Variants in UTP6 observed in about 807,000 individuals in gnomAD.
The protein encoded by UTP6 is UTP6 small subunit processome component.
UTP6 carries 60 observed loss-of-function variants against 96.5 expected under a neutral mutation model. That is an observed-to-expected ratio of 0.62 (90% confidence interval 0.51 to 0.77). UTP6 has a LOEUF of 0.77. Ranked by LOEUF, UTP6 falls within the 30% of genes least tolerant of loss-of-function variation. The probability of loss-of-function intolerance (pLI) is 0.00; values close to 1 mark genes in which losing one functional copy is unlikely to be tolerated. For synonymous variants in UTP6, 215 were observed against 240.1 expected (o/e 0.90, Z 0.96); for missense variants, 637 against 706.5 (o/e 0.90, Z 1.12).
At chr17:31,898,839 G>A (rs761960754) in intron 2 of UTP6, among the ~76,000 whole-genome samples, 6 of 152,112 alleles carry the variant, frequency 3.9e-5, no homozygotes, top group Non-Finnish European at 7.3e-5. Context: ...CCAGGAGTTC[G>A]AGACCAGCCT....
chr17:31,873,449 G>A lies in UTP6; in HGVS notation c.1425C>T (p.Thr475=), dbSNP rs1910304946. The change falls in exon 16 of 19, where the codon ACC becomes ACT. Residue 475 remains threonine (T), a synonymous_variant. Coordinates refer to ENST00000261708, the MANE Select transcript of UTP6 (RefSeq NM_018428.3). The stretch of plus-strand genomic sequence containing the variant: ...CCCAATCCAGGTACTTATTCTTCAG[G>A]GTTACTGAGTCGGCACCTATGACAG... ...LLAVIGADSV[T]LKNKYLDWAY... 3 of 1,613,886 alleles carry A rather than the reference G, an allele frequency of 1.9e-6. No homozygotes were observed. Among genetic ancestry groups the A allele is most frequent in the African/African-American group, 2.7e-5 (2 of 74,848 alleles).
Position 31,887,451 on chromosome 17 carries a change from G to GAC in UTP6, c.544-139_544-138insGT. 1.2e-5 allele frequency: 8 copies of GAC among 644,026 alleles called. No individual in the cohort carries two copies. The South Asian group carries it at 1.5e-4, about 12-fold the overall frequency. 39.9% of individuals were successfully genotyped at this position (644,026 alleles called of 1,614,324 possible). A position where few individuals can be genotyped will look rare whatever the true frequency, so the allele number is the denominator to read the frequency against. On this transcript the variant is annotated intron_variant, in intron 7 of 18. Coordinates refer to ENST00000261708, the MANE Select transcript of UTP6 (RefSeq NM_018428.3). Reference sequence around the variant, plus strand: ...CGGCCATGAATTCCTGCACTCAAGTGATCCCCTTGCCTCAGCTTCCTGAGT... The same window carrying GAC: ...CGGCCATGAATTCCTGCACTCAAGTGACATCCCCTTGCCTCAGCTTCCTGAGT...
chr17:31,893,462 T>C (rs1199821316), intron 4 of UTP6, among the ~76,000 whole-genome samples: 4 of 137,156 alleles, frequency 2.9e-5, no homozygotes, highest in Non-Finnish European at 6.1e-5. Flanking sequence ...CCAGGCACAA[T>C]GGCTCAGGCC....
intron 5 of UTP6, 67 bp downstream of exon 5, chr17:31,892,680 T>C (rs1904390434): frequency 3.1e-6 from 5 of 1,598,768 alleles, no homozygotes; most frequent in South Asian, 2.2e-5. Flanking sequence ...ACATCTGGCA[T>C]GAAGCTTAAA....
chr17:31,880,425 T>TAAAAA, intron 11 of UTP6, 148 bp downstream of exon 11: 6 of 662,924 alleles, frequency 9.1e-6, no homozygotes, highest in Non-Finnish European at 1.3e-5. Flanking sequence ...TGCCTCCCAA[T>TAAAAA]AAAAAAAAAA....
intron 2 of UTP6, among the ~76,000 whole-genome samples, chr17:31,896,377 C>A (rs1050372637): frequency 7.9e-5 from 12 of 152,030 alleles, no homozygotes; most frequent in Admixed American, 6.6e-5. Flanking sequence ...CGCGCTCGGC[C>A]CCTACACCTT....
chr17:31,894,878 TC>T, intron 3 of UTP6, 91 bp downstream of exon 3: 1 of 1,314,878 alleles, frequency 7.6e-7, no homozygotes, highest in Non-Finnish European at 1.1e-6. Context: ...CACAGTTTTA[TC>T]AACACTGTCT....
Position 31,901,543 on chromosome 17 carries a change from C to T in UTP6, c.85G>A (p.Glu29Lys). Residue 29 changes from glutamate to lysine, a missense_variant, in exon 1 of 19, where the codon GAG (glutamate) becomes AAG (lysine). Physicochemically the swap from Glu to Lys is moderately conservative, Grantham distance 56 (BLOSUM62 1). Coordinates refer to ENST00000261708, the MANE Select transcript of UTP6 (RefSeq NM_018428.3). The part of the protein sequence containing the change: ...LERIGLFSHA[E>K]IKAIIKKASD... ...TCCCCAACCCTCTCTCACTTAATCT[C>T]CGCATGACTGAACAGTCCAATGCGC... 2 of 1,614,058 alleles carry T rather than the reference C, an allele frequency of 1.2e-6. No homozygotes were observed. Among genetic ancestry groups the T allele is most frequent in the Non-Finnish European group, 1.7e-6 (2 of 1,180,026 alleles).
chr17:31,872,696 A>G (rs1198981457), intron 16 of UTP6, among the ~76,000 whole-genome samples: 1 of 152,086 alleles, frequency 6.6e-6, no homozygotes, highest in East Asian at 1.9e-4. Context: ...AGGAAACATT[A>G]CTTTTTGAAA....
rs757282393 is a variant in UTP6 at position 31,875,186 on chromosome 17, T to C, written c.1305+48A>G. ...ATTCCAAATGAGCCTTGGCTAGTCT[T>C]AAAAGGTTTCCCAAATATAATGAAT... On this transcript the variant is annotated intron_variant, in intron 14 of 18. Coordinates refer to ENST00000261708, the MANE Select transcript of UTP6 (RefSeq NM_018428.3). The C allele has an allele frequency of 5.0e-6, 8 of 1,605,788 alleles. No individual in the cohort carries two copies. The South Asian group carries it at 6.7e-5, about 13-fold the overall frequency.
rs767875542 is a variant in UTP6, at chr17:31,884,409, A to G, written c.785+15T>C. ...CAGAAATAGATATATTCACCTTTCTACTAACTTTACTTACTCATCATAAAT... is the reference window on the plus strand; with the variant it reads ...CAGAAATAGATATATTCACCTTTCTGCTAACTTTACTTACTCATCATAAAT... On this transcript the variant is annotated intron_variant, in intron 10 of 18. Transcript: ENST00000261708. The G allele has an allele frequency of 1.9e-6, 3 of 1,590,002 alleles. No homozygotes were observed. The highest frequency in any genetic ancestry group is 2.6e-6 in the Non-Finnish European group (3 of 1,164,170).
chr17:31,873,495 T>G lies in UTP6; in HGVS notation c.1387-8A>C. The G allele has an allele frequency of 6.2e-7, 1 of 1,608,230 alleles. No homozygotes were observed. The highest frequency in any genetic ancestry group is 8.5e-7 in the Non-Finnish European group (1 of 1,178,680). On this transcript the variant is annotated splice_region_variant and splice_polypyrimidine_tract_variant and intron_variant, in intron 15 of 18. Coordinates refer to ENST00000261708, the MANE Select transcript of UTP6 (RefSeq NM_018428.3). ...GACAGCTAAGAGAGCTTTCTACAAT[T>G]TAAAAGAAAAAAGAAAGAAGCTATG...
intron 10 of UTP6, among the ~76,000 whole-genome samples, chr17:31,881,938 C>A (rs1910866729): frequency 6.6e-6 from 1 of 152,070 alleles, no homozygotes; most frequent in African/African-American, 2.4e-5. Flanking sequence ...AAGCAATAGT[C>A]CATCCCAAAG....
chr17:31,878,435 T>C (rs888839639), intron 12 of UTP6, 108 bp from the exon 13 acceptor site: 5 of 1,116,688 alleles, frequency 4.5e-6, no homozygotes, highest in Non-Finnish European at 6.6e-6. Context: ...TCAAAGAAGC[T>C]GACTTGCTCC....
At chr17:31,872,157 T>C (rs770243226) in intron 16 of UTP6, among the ~76,000 whole-genome samples, 1 of 151,210 alleles carries the variant, frequency 6.6e-6, no homozygotes, top group African/African-American at 2.4e-5. Flanking sequence ...ACTGTACCAC[T>C]GCACTCCAGC....
chr17:31,879,683 T>C (rs577304920), intron 11 of UTP6, among the ~76,000 whole-genome samples: 3 of 150,142 alleles, frequency 2.0e-5, no homozygotes, highest in Admixed American at 1.3e-4. Context: ...AAAAAAAACA[T>C]AGATAATTAA....
In UTP6 at chr17:31,863,300, A is replaced by C; in HGVS notation, c.*59T>G. The C allele has an allele frequency of 1.3e-6, 2 of 1,584,388 alleles. No individual in the cohort carries two copies. The highest frequency in any genetic ancestry group is 1.7e-6 in the Non-Finnish European group (2 of 1,162,670). ...CAAATTACAGATGGACTCAATACAA[A>C]TTTGCCCACGGGGCTTGCTTGCAAT... On this transcript the variant is annotated 3_prime_UTR_variant, in exon 19 of 19. Coordinates refer to ENST00000261708, the MANE Select transcript of UTP6 (RefSeq NM_018428.3).
In UTP6 at chr17:31,889,419, C is replaced by T; in HGVS notation, c.425-16G>A. The T allele has an allele frequency of 6.4e-7, 1 of 1,574,054 alleles. No homozygotes were observed. The highest frequency in any genetic ancestry group is 2.2e-5 in the East Asian group (1 of 44,456). ...ATCCACAAAGCTGTAAGTGAAAAAC[C>T]ATCAGATTTCATTTCAATAAATTAA... On this transcript the variant is annotated splice_polypyrimidine_tract_variant and intron_variant, in intron 6 of 18. Transcript: ENST00000261708.
At chr17:31,881,888 T>A (rs948151783) in intron 10 of UTP6, among the ~76,000 whole-genome samples, 3 of 152,060 alleles carry the variant, frequency 2.0e-5, no homozygotes, top group African/African-American at 7.2e-5. Flanking sequence ...TACAGAGTTT[T>A]GCCATGTTGC....
Sources: gnomAD v4.1 joint callset for allele counts (sites outside exome capture counted in the v4.1 genomes callset) on GRCh38, gnomAD v4.1.1 for gene constraint, MANE v1.5 for transcripts, NCBI Gene and HGNC (gene_info 2026-07-23, HGNC 2026-07-21) for gene names.